The following DACH1 variants were observed in gnomAD, a reference collection of about 807,000 sequenced individuals.
DACH1 encodes the protein dachshund family transcription factor 1.
DACH1 carries 12 observed loss-of-function variants against 54.2 expected under a neutral mutation model. The ratio of observed to expected loss-of-function variants is 0.22; its 90% CI spans 0.14 to 0.36. The LOEUF is 0.36. Among genes scored for constraint, DACH1 ranks in the 10% least tolerant of loss-of-function variants. The pLI is 1.00. For missense variants in DACH1, 805 were observed against 929.8 expected (o/e 0.87, Z 1.75); for synonymous variants, 386 against 366.2 (o/e 1.05, Z -0.62).
At chr13:71,637,017 A>G (rs1877536867) in intron 2 of DACH1, among the ~76,000 whole-genome samples, 1 of 152,138 alleles carries the variant, frequency 6.6e-6, no homozygotes, top group African/African-American at 2.4e-5. Flanking sequence ...CCACTAAAGT[A>G]TTTTAAGATT....
At chr13:71,807,832 T>C (rs1456775062) in intron 1 of DACH1, among the ~76,000 whole-genome samples, 1 of 152,198 alleles carries the variant, frequency 6.6e-6, no homozygotes, top group East Asian at 1.9e-4. Flanking sequence ...TTCTTGGATT[T>C]ACCAAATTTT....
chr13:71,785,883 A>T (rs1055053004), intron 1 of DACH1, among the ~76,000 whole-genome samples: 4 of 152,148 alleles, frequency 2.6e-5, no homozygotes, highest in Non-Finnish European at 5.9e-5. Flanking sequence ...TCAACTATGC[A>T]TCACAAAACC....
intron 1 of DACH1, among the ~76,000 whole-genome samples, chr13:71,779,787 C>G (rs974839840): frequency 6.6e-6 from 1 of 152,068 alleles, no homozygotes; most frequent in African/African-American, 2.4e-5. Context: ...TCCTTCCCAT[C>G]CCTGGCCACC....
chr13:71,477,100 ATATATTT>A (rs1395306664), intron 8 of DACH1, among the ~76,000 whole-genome samples: 1,459 of 55,408 alleles, frequency 0.026, 39 homozygotes, highest in African/African-American at 0.081. Context: ...ATATATATAT[ATATATTT>A]TTTTTTTTTT....
chr13:71,768,144 G>A (rs1485655919), intron 1 of DACH1, among the ~76,000 whole-genome samples: 5 of 151,776 alleles, frequency 3.3e-5, no homozygotes, highest in African/African-American at 7.3e-5. Flanking sequence ...CAGTCCCAGC[G>A]ATTCAATCAC....
chr13:71,475,895 C>T, intron 8 of DACH1, 46 bp from the exon 9 acceptor site: 2 of 1,323,538 alleles, frequency 1.5e-6, no homozygotes, highest in South Asian at 3.8e-5. Flanking sequence ...TTTAAATTTT[C>T]ATAATGCTGC....
intron 2 of DACH1, among the ~76,000 whole-genome samples, chr13:71,676,167 TC>T (rs1880554737): frequency 6.6e-6 from 1 of 152,266 alleles, no homozygotes; most frequent in East Asian, 1.9e-4. Context: ...CTTGTGAGTA[TC>T]CCAATGAAAT....
At chr13:71,729,606 G>C (rs1256653481) in intron 1 of DACH1, among the ~76,000 whole-genome samples, 1 of 152,050 alleles carries the variant, frequency 6.6e-6, no homozygotes, top group Non-Finnish European at 1.5e-5. Flanking sequence ...GTCAGGTCCT[G>C]TGGAATCTAT....
At chr13:71,646,123 G>C (rs1594038890) in intron 2 of DACH1, among the ~76,000 whole-genome samples, 1 of 152,194 alleles carries the variant, frequency 6.6e-6, no homozygotes, top group East Asian at 1.9e-4. Context: ...AGATCACAAG[G>C]TCAGGAGTTC....
At chr13:71,782,878 T>C (rs1290206697) in intron 1 of DACH1, among the ~76,000 whole-genome samples, 1 of 152,114 alleles carries the variant, frequency 6.6e-6, no homozygotes, top group African/African-American at 2.4e-5. Flanking sequence ...GTTGAAATTA[T>C]TTTATCTAAT....
chr13:71,581,597 G>A (rs1354677987), intron 3 of DACH1, among the ~76,000 whole-genome samples: 1 of 152,162 alleles, frequency 6.6e-6, no homozygotes, highest in Non-Finnish European at 1.5e-5. Flanking sequence ...AGAAGATAAA[G>A]AATGGTAATA....
At chr13:71,662,944 T>A (rs537879138) in intron 2 of DACH1, among the ~76,000 whole-genome samples, 1 of 152,096 alleles carries the variant, frequency 6.6e-6, no homozygotes, top group African/African-American at 2.4e-5. Flanking sequence ...GCAATGTCAT[T>A]CATCTTTGCA....
chr13:71,454,358 A>G (rs546633138), intron 10 of DACH1, among the ~76,000 whole-genome samples: 94 of 152,270 alleles, frequency 6.2e-4, no homozygotes, highest in African/African-American at 2.2e-3. Flanking sequence ...GATGATCAGC[A>G]ATGCCCCCTG....
At chr13:71,864,819 C>T (rs2138302969) in intron 1 of DACH1, among the ~76,000 whole-genome samples, 1 of 151,642 alleles carries the variant, frequency 6.6e-6, no homozygotes, top group South Asian at 2.1e-4. Flanking sequence ...GGACCGGTCC[C>T]GCCGCCTCCT....
chr13:71,840,684 C>T lies in DACH1; in HGVS notation c.848+25238G>A, dbSNP rs560724716. On this transcript the variant is annotated intron_variant, in intron 1 of 10. Coordinates refer to ENST00000613252, the MANE Select transcript of DACH1 (RefSeq NM_080759.6). The stretch of plus-strand genomic sequence containing the variant: ...GCTACAAAGTTAAGATAAAGAATAA[C>T]GAAAATTGCAAAATGAATAAGAGAA... Among the ~76,000 whole-genome samples the T allele has an allele frequency of 1.3e-4, 19 of 151,622 alleles. 1 individual carries two copies. The South Asian group carries it at 3.1e-3, about 25-fold the overall frequency.
At position 71,866,246 on chromosome 13, in the gene DACH1, G is replaced by A. The variant is rs1278114853; in HGVS notation, c.524C>T (p.Thr175Ile). ...AGGGGTGTTTTCCACTGGGGACGGG[G>A]TTGAGTACACGGGTTTCCCGGGGAG... ...GPLPGKPVYS[T>I]PSPVENTPQN... Residue 175 changes from threonine to isoleucine, a missense_variant, in exon 1 of 11, where the codon ACC (threonine) becomes ATC (isoleucine). By Grantham distance (89) the Thr-to-Ile change is moderately conservative. Coordinates refer to ENST00000613252, the MANE Select transcript of DACH1 (RefSeq NM_080759.6). The A allele has an allele frequency of 1.2e-6, 2 of 1,610,478 alleles. No individual in the cohort carries two copies. Among genetic ancestry groups the A allele is most frequent in the African/African-American group, 2.7e-5 (2 of 74,794 alleles).
At chr13:71,576,417 A>G (rs1270314280) in intron 3 of DACH1, among the ~76,000 whole-genome samples, 1 of 152,152 alleles carries the variant, frequency 6.6e-6, no homozygotes, top group East Asian at 1.9e-4. Context: ...CCATTACAAC[A>G]TTAAAACAAA....
chr13:71,654,327 T>A (rs1878895264), intron 2 of DACH1, among the ~76,000 whole-genome samples: 1 of 149,448 alleles, frequency 6.7e-6, no homozygotes, highest in African/African-American at 2.5e-5. Flanking sequence ...GAGATGGAGG[T>A]TGCAGTGAGC....
At chr13:71,820,229 G>A (rs1005203505) in intron 1 of DACH1, among the ~76,000 whole-genome samples, 8 of 151,742 alleles carry the variant, frequency 5.3e-5, no homozygotes, top group East Asian at 2.0e-4. Flanking sequence ...TGCACTGCCC[G>A]AGAGATTGGC....
Sources: allele counts gnomAD v4.1 joint callset (sites outside exome capture counted in the v4.1 genomes callset), GRCh38; gene constraint gnomAD v4.1.1; transcripts MANE v1.5; gene names NCBI Gene and HGNC (gene_info 2026-07-23, HGNC 2026-07-21).